The following BMPR1B variants were observed in gnomAD, a reference collection of about 807,000 sequenced individuals.
BMPR1B encodes the protein bone morphogenetic protein receptor type 1B.
A neutral mutation model predicts 59.1 loss-of-function variants in BMPR1B; 12 were observed. The ratio of observed to expected loss-of-function variants is 0.20; its 90% CI spans 0.13 to 0.33. BMPR1B has a LOEUF of 0.33. Ranked by LOEUF, BMPR1B falls within the 10% of genes least tolerant of loss-of-function variation. BMPR1B has a pLI of 1.00. For synonymous variants in BMPR1B, 237 were observed against 207.3 expected (o/e 1.14, Z -1.23); for missense variants, 550 against 610.9 (o/e 0.90, Z 1.05).
intron 2 of BMPR1B, among the ~76,000 whole-genome samples, chr4:94,879,436 A>G (rs1726870646): frequency 1.3e-5 from 2 of 152,236 alleles, no homozygotes; most frequent in South Asian, 2.1e-4. Flanking sequence ...CCTGGTGTCT[A>G]TAAAAAATTT....
intron 1 of BMPR1B, among the ~76,000 whole-genome samples, chr4:94,827,326 A>G (rs1463450855): frequency 1.3e-5 from 2 of 152,170 alleles, no homozygotes; most frequent in Non-Finnish European, 2.9e-5. Flanking sequence ...TAAAGTGTAT[A>G]TATACTTTGT....
intron 1 of BMPR1B, among the ~76,000 whole-genome samples, chr4:94,822,623 G>A (rs945029882): frequency 2.0e-5 from 3 of 152,086 alleles, no homozygotes; most frequent in Non-Finnish European, 2.9e-5. Context: ...CCTGGACTGG[G>A]TGCTCCCTAT....
intron 3 of BMPR1B, among the ~76,000 whole-genome samples, chr4:94,998,375 CTT>C (rs11327811): frequency 0.25 from 34,672 of 137,968 alleles, 5,169 homozygotes; most frequent in African/African-American, 0.44. Context: ...TACACTACTC[CTT>C]TTTTTTTTTT....
chr4:95,074,565 G>A (rs1728561335), intron 3 of BMPR1B, among the ~76,000 whole-genome samples: 1 of 151,824 alleles, frequency 6.6e-6, no homozygotes, highest in Admixed American at 6.6e-5. Flanking sequence ...AGACCCCAAG[G>A]CCCTGTCCTA....
chr4:95,069,535 G>A (rs989628762), intron 3 of BMPR1B, among the ~76,000 whole-genome samples: 1 of 152,092 alleles, frequency 6.6e-6, no homozygotes, highest in Non-Finnish European at 1.5e-5. Context: ...TTACATGGAG[G>A]AATTCTAGCT....
chr4:95,017,178 T>C, intron 3 of BMPR1B, among the ~76,000 whole-genome samples: 1 of 152,220 alleles, frequency 6.6e-6, no homozygotes, highest in East Asian at 1.9e-4. Context: ...AGGTTTCTTT[T>C]CACTCTTCAG....
intron 3 of BMPR1B, among the ~76,000 whole-genome samples, chr4:95,099,117 A>G (rs1351687421): frequency 6.6e-6 from 1 of 152,200 alleles, no homozygotes; most frequent in Non-Finnish European, 1.5e-5. Context: ...ACACGTGTAA[A>G]CATAACACAT....
intron 10 of BMPR1B, among the ~76,000 whole-genome samples, chr4:95,134,066 C>T (rs1453111274): frequency 2.6e-5 from 4 of 152,158 alleles, no homozygotes; most frequent in Admixed American, 2.0e-4. Flanking sequence ...TGTTCCCCAC[C>T]CTGTGTCCAA....
At chr4:95,149,001 TATC>T in intron 11 of BMPR1B, 78 bp downstream of exon 11, 1 of 1,541,212 alleles carries the variant, frequency 6.5e-7, no homozygotes, top group African/African-American at 1.4e-5. Flanking sequence ...AAATCAAAGT[TATC>T]ATACTGTCTA....
intron 2 of BMPR1B, among the ~76,000 whole-genome samples, chr4:94,910,379 A>T (rs1402157716): frequency 1.3e-5 from 2 of 152,130 alleles, no homozygotes; most frequent in African/African-American, 2.4e-5. Flanking sequence ...CTCAGGTGAT[A>T]GTAGTGCTTG....
chr4:95,153,515 G>T (rs1243460003), intron 12 of BMPR1B, among the ~76,000 whole-genome samples: 1 of 152,092 alleles, frequency 6.6e-6, no homozygotes, highest in African/African-American at 2.4e-5. Flanking sequence ...ACTGCAAAGG[G>T]GGGACAGAGC....
chr4:95,041,792 G>A (rs1725671632), intron 3 of BMPR1B, among the ~76,000 whole-genome samples: 1 of 152,128 alleles, frequency 6.6e-6, no homozygotes, highest in South Asian at 2.1e-4. Context: ...GGGTGGCAGT[G>A]AGGATTAAAT....
intron 1 of BMPR1B, among the ~76,000 whole-genome samples, chr4:94,780,559 T>C (rs1187608946): frequency 1.3e-5 from 2 of 152,132 alleles, no homozygotes; most frequent in Non-Finnish European, 2.9e-5. Flanking sequence ...GTGGGTCATA[T>C]GATAACTCTG....
chr4:94,783,759 A>T (rs1384593520), intron 1 of BMPR1B, among the ~76,000 whole-genome samples: 1 of 152,160 alleles, frequency 6.6e-6, no homozygotes, highest in Non-Finnish European at 1.5e-5. Context: ...TGCTGGGTGT[A>T]GAGCGTTTAC....
chr4:95,140,180 C>A (rs961813076), intron 10 of BMPR1B, among the ~76,000 whole-genome samples: 1 of 152,154 alleles, frequency 6.6e-6, no homozygotes, highest in Non-Finnish European at 1.5e-5. Flanking sequence ...ATTTGTCATT[C>A]CCAATGGAAA....
chr4:95,023,217 A>G (rs1724116677), intron 3 of BMPR1B, among the ~76,000 whole-genome samples: 1 of 152,148 alleles, frequency 6.6e-6, no homozygotes, highest in Non-Finnish European at 1.5e-5. Context: ...CTTTCCTCAG[A>G]GATCGTTGCC....
At chr4:94,771,744 T>C (rs1216514243) in intron 1 of BMPR1B, among the ~76,000 whole-genome samples, 1 of 152,226 alleles carries the variant, frequency 6.6e-6, no homozygotes, top group African/African-American at 2.4e-5. Context: ...ACTTTTCTGT[T>C]TGATCCGTCT....
chr4:94,826,273 A>G (rs1038834053), intron 1 of BMPR1B, among the ~76,000 whole-genome samples: 1 of 152,138 alleles, frequency 6.6e-6, no homozygotes, highest in Non-Finnish European at 1.5e-5. Flanking sequence ...ACTGGTGAAG[A>G]ATATTAAGGT....
intron 3 of BMPR1B, among the ~76,000 whole-genome samples, chr4:95,039,639 G>C (rs921962912): frequency 9.8e-5 from 15 of 152,300 alleles, no homozygotes; most frequent in African/African-American, 3.4e-4. Flanking sequence ...GTGTGTGAGA[G>C]AGATGAAAAG....
Sources: gnomAD v4.1 joint callset for allele counts (sites outside exome capture counted in the v4.1 genomes callset) on GRCh38, gnomAD v4.1.1 for gene constraint, MANE v1.5 for transcripts, NCBI Gene and HGNC (gene_info 2026-07-23, HGNC 2026-07-21) for gene names.